Variants in AKAP13 observed in about 807,000 individuals in gnomAD.
AKAP13 encodes the protein A-kinase anchor protein 13.
A neutral mutation model predicts 264.5 loss-of-function variants in AKAP13; 80 were observed. The observed-to-expected ratio is 0.30, with a 90% confidence interval of 0.25 to 0.36. The LOEUF is 0.36. Ranked by LOEUF, AKAP13 falls within the 10% of genes least tolerant of loss-of-function variation. The probability of loss-of-function intolerance (pLI) is 1.00; values close to 1 mark genes in which losing one functional copy is unlikely to be tolerated. For missense variants in AKAP13, 3,712 were observed against 3,435.2 expected, an observed-to-expected ratio of 1.08 and a Z score of -2.01; for synonymous variants, 1,380 against 1,250.2, an observed-to-expected ratio of 1.10 and a Z score of -2.19.
At chr15:85,623,412 A>C (rs926963668) in intron 8 of AKAP13, among the ~76,000 whole-genome samples, 5 of 152,220 alleles carry the variant, frequency 3.3e-5, no homozygotes, top group African/African-American at 1.2e-4. Flanking sequence ...TAACAACTCC[A>C]ATCCCTCCCA....
chr15:85,401,015 C>T (rs1393784274), intron 1 of AKAP13, among the ~76,000 whole-genome samples: 2 of 151,934 alleles, frequency 1.3e-5, no homozygotes, highest in Non-Finnish European at 2.9e-5. Context: ...GTGTGTGTCA[C>T]CATGCCTGGC....
chr15:85,732,984 T>C (rs1054838681), intron 30 of AKAP13, among the ~76,000 whole-genome samples: 1 of 152,244 alleles, frequency 6.6e-6, no homozygotes, highest in East Asian at 1.9e-4. Flanking sequence ...GTCTACGCTG[T>C]CAGTTTATAA....
chr15:85,492,962 T>C (rs2075772486), intron 2 of AKAP13, among the ~76,000 whole-genome samples: 1 of 152,216 alleles, frequency 6.6e-6, no homozygotes. Context: ...TAAGAGATGG[T>C]ATGAGTAGTT....
chr15:85,645,774 T>G (rs201400104), intron 9 of AKAP13, 44 bp from the exon 10 acceptor site: 8 of 1,427,868 alleles, frequency 5.6e-6, no homozygotes, highest in Admixed American at 2.5e-5. Context: ...TTGGTTTTTT[T>G]GTTTTTTTTT....
chr15:85,392,337 C>G (rs1373788098), intron 1 of AKAP13, among the ~76,000 whole-genome samples: 1 of 147,214 alleles, frequency 6.8e-6, no homozygotes, highest in Admixed American at 6.8e-5. Context: ...TCACTGCAAC[C>G]TCTGCCTCCC....
At chr15:85,459,434 A>G (rs1164498597) in intron 1 of AKAP13, among the ~76,000 whole-genome samples, 2 of 149,546 alleles carry the variant, frequency 1.3e-5, no homozygotes, top group African/African-American at 4.9e-5. Flanking sequence ...CCTCACCTCA[A>G]GTGATCTGCC....
At chr15:85,645,783 T>TTC in intron 9 of AKAP13, 35 bp from the exon 10 acceptor site, 1 of 1,541,508 alleles carries the variant, frequency 6.5e-7, no homozygotes, top group Non-Finnish European at 8.7e-7. Flanking sequence ...TTGTTTTTTT[T>TTC]TTTTCAATAT....
At chr15:85,471,024 C>G (rs768978612) in intron 1 of AKAP13, among the ~76,000 whole-genome samples, 41 of 152,186 alleles carry the variant, frequency 2.7e-4, no homozygotes, top group Admixed American at 3.3e-4. Context: ...TCCCTTGTGA[C>G]TTCATGCTGG....
chr15:85,732,198 C>T (rs62022948), intron 30 of AKAP13, among the ~76,000 whole-genome samples: 38,295 of 151,864 alleles, frequency 0.25, 5,174 homozygotes, highest in Non-Finnish European at 0.31. Context: ...GTCCTGTGGA[C>T]GTGACCATAG....
At chr15:85,671,535 A>G (rs1386127037) in intron 14 of AKAP13, among the ~76,000 whole-genome samples, 1 of 152,002 alleles carries the variant, frequency 6.6e-6, no homozygotes, top group Non-Finnish European at 1.5e-5. Context: ...TTCAAATACA[A>G]ATCTAGCGTA....
At chr15:85,595,781 C>T (rs940096058) in intron 8 of AKAP13, among the ~76,000 whole-genome samples, 3 of 152,078 alleles carry the variant, frequency 2.0e-5, no homozygotes, top group African/African-American at 7.2e-5. Context: ...TTGCCAGAGA[C>T]ACATCAGTTT....
Position 85,579,306 on chromosome 15 carries a change from A to T in AKAP13, c.1238A>T (p.Glu413Val). 1 of 1,614,240 alleles carries T rather than the reference A, an allele frequency of 6.2e-7. No homozygotes were observed. ...CCTGATTGTGGAGTAAAGGGCACGGAAGGCCTTTCGTCCTGTGGAAACAGA... is the reference window on the plus strand; with the variant it reads ...CCTGATTGTGGAGTAAAGGGCACGGTAGGCCTTTCGTCCTGTGGAAACAGA... ...SLPDCGVKGTEGLSSCGNRNE... is the reference protein window; with the variant it reads ...SLPDCGVKGTVGLSSCGNRNE... Residue 413 changes from glutamate (E) to valine (V), a missense_variant, in exon 7 of 37, where the codon GAA (glutamate) becomes GTA (valine). This residue lies in a region of AKAP13 where 2,759 missense variants were observed against 2,411.7 expected (regional missense o/e 1.14). Coordinates refer to ENST00000394518, the MANE Select transcript of AKAP13 (RefSeq NM_007200.5).
At position 85,384,487 on chromosome 15, in the gene AKAP13, C is replaced by T. The variant is rs113503058; in HGVS notation, c.-12+3689C>T. ...ATCCCAGCACTTTGGGAGGCTGAGG[C>T]GGGCGGATCACTTGAGGTCAGGAGT... is the stretch of plus-strand genomic sequence containing the variant. On this transcript the variant is annotated intron_variant, in intron 1 of 36. Transcript: ENST00000394518. 7.7e-4 allele frequency among the ~76,000 whole-genome samples: 117 copies of T among 152,218 alleles called. No homozygotes were observed. In the Middle Eastern group the frequency reaches 0.017, roughly 22 times the overall value.
intron 8 of AKAP13, among the ~76,000 whole-genome samples, chr15:85,611,129 G>T (rs1454182954): frequency 6.6e-6 from 1 of 152,176 alleles, no homozygotes; most frequent in African/African-American, 2.4e-5. Context: ...TCTTGTATTT[G>T]CATGACGTTT....
chr15:85,587,492 T>C (rs1268400768), intron 8 of AKAP13, among the ~76,000 whole-genome samples: 2 of 152,270 alleles, frequency 1.3e-5, no homozygotes, highest in East Asian at 1.9e-4. Context: ...AATGCTGTTA[T>C]GTACATTTGT....
chr15:85,653,130 C>G (rs2082939337), intron 10 of AKAP13, among the ~76,000 whole-genome samples: 1 of 152,208 alleles, frequency 6.6e-6, no homozygotes, highest in Non-Finnish European at 1.5e-5. Flanking sequence ...GTCCCTCACT[C>G]AGAAAGCATA....
chr15:85,627,140 T>C (rs1215168744), intron 8 of AKAP13, among the ~76,000 whole-genome samples: 2 of 152,108 alleles, frequency 1.3e-5, no homozygotes, highest in Non-Finnish European at 2.9e-5. Context: ...CTGCCTTTGC[T>C]CTCCTGCTTG....
intron 2 of AKAP13, among the ~76,000 whole-genome samples, chr15:85,504,976 G>A (rs1426222313): frequency 6.6e-6 from 1 of 151,782 alleles, no homozygotes; most frequent in African/African-American, 2.4e-5. Context: ...CACTCTCTGT[G>A]TGTGTGTGCG....
chr15:85,442,653 A>T (rs1027279984), intron 1 of AKAP13, among the ~76,000 whole-genome samples: 2 of 150,642 alleles, frequency 1.3e-5, no homozygotes, highest in Non-Finnish European at 2.9e-5. Context: ...TTTATTACAG[A>T]AACGTTTGGA....
Sources: gnomAD v4.1 joint callset for allele counts (sites outside exome capture counted in the v4.1 genomes callset) on GRCh38, gnomAD v4.1.1 for gene constraint, gnomAD v4.1.1 regional missense constraint, MANE v1.5 for transcripts, NCBI Gene and HGNC (gene_info 2026-07-23, HGNC 2026-07-21) for gene names.